The following CASD1 variants were observed in gnomAD, a reference collection of about 807,000 sequenced individuals.
CASD1 encodes the protein CAS1 domain sialic acid O acetyltransferase 1, also known as N-acetylneuraminate (7)9-O-acetyltransferase.
CASD1 carries 41 observed loss-of-function variants against 100.0 expected under a neutral mutation model. That is an observed-to-expected ratio of 0.41 (90% confidence interval 0.32 to 0.53). CASD1 has a LOEUF of 0.53. CASD1 is among the 20% of genes least tolerant of loss of function. CASD1 has a pLI of 0.25. For synonymous variants in CASD1, 321 were observed against 315.6 expected (o/e 1.02, Z -0.18); for missense variants, 774 against 948.7 (o/e 0.82, Z 2.42).
chr7:94,540,039 A>G (rs1795316471), intron 10 of CASD1, among the ~76,000 whole-genome samples: 1 of 152,114 alleles, frequency 6.6e-6, no homozygotes, highest in Non-Finnish European at 1.5e-5. Context: ...TGGGTGTCTT[A>G]AAAGACAGGA....
At position 94,554,564 on chromosome 7, in the gene CASD1, A is replaced by T; in HGVS notation, c.2116A>T (p.Ile706Phe). 15 of 1,605,348 alleles carry T rather than the reference A, an allele frequency of 9.3e-6. No individual in the cohort carries two copies. The highest frequency in any genetic ancestry group is 1.3e-5 in the Non-Finnish European group (15 of 1,172,796). ...YSSFFAWFGK[I>F]SLELFICQYH... is the part of the protein sequence containing the mutation. ...TTCATTTTTTGCTTGGTTTGGAAAA[A>T]TTTCATTAGAGGTTGGTACATTAAT... is the stretch of plus-strand genomic sequence containing the variant. Residue 706 changes from isoleucine to phenylalanine, a missense_variant, in exon 17 of 18, where the codon ATT becomes TTT. Ile to Phe is a conservative substitution (Grantham distance 21, BLOSUM62 0). Transcript: ENST00000297273.
chr7:94,538,110 A>G (rs1795207383), intron 9 of CASD1, among the ~76,000 whole-genome samples: 1 of 152,128 alleles, frequency 6.6e-6, no homozygotes, highest in Non-Finnish European at 1.5e-5. Context: ...AAATTGTTGA[A>G]AAGTTGGGAA....
the CASD1 span, chr7:94,627,082 C>T: frequency 6.6e-6 from 1 of 151,920 alleles, no homozygotes; most frequent in Admixed American, 6.6e-5. Context: ...AAGTACCTGT[C>T]TATCTTATAG....
chr7:94,561,497 CT>C (rs199566744), downstream of CASD1, among the ~76,000 whole-genome samples: 2,058 of 152,152 alleles, frequency 0.014, 43 homozygotes, highest in African/African-American at 0.047. Context: ...ACTGTTATGC[CT>C]TCCTTAAACA....
At chr7:94,612,530 T>C in the CASD1 span, among the ~76,000 whole-genome samples, 1 of 152,206 alleles carries the variant, frequency 6.6e-6, no homozygotes, top group African/African-American at 2.4e-5. Context: ...TAAGTACACA[T>C]GATTTATTCC....
the CASD1 span, among the ~76,000 whole-genome samples, chr7:94,567,398 A>G: frequency 1.3e-5 from 2 of 152,112 alleles, no homozygotes; most frequent in African/African-American, 4.8e-5. Flanking sequence ...GAATTCTAAT[A>G]TCTGAGTAGG....
At chr7:94,555,353 G>A (rs540686304) in intron 17 of CASD1, 139 bp from the exon 18 acceptor site, 11 of 772,958 alleles carry the variant, frequency 1.4e-5, no homozygotes, top group South Asian at 1.9e-5. Flanking sequence ...ACTTTTCAGG[G>A]CCAGTAGTGA....
chr7:94,578,557 C>G, the CASD1 span, among the ~76,000 whole-genome samples: 15 of 152,282 alleles, frequency 9.9e-5, no homozygotes, highest in Admixed American at 8.5e-4. Flanking sequence ...AAGAGCCCCC[C>G]ACCCATTTGC....
At chr7:94,563,476 A>G in the CASD1 span, among the ~76,000 whole-genome samples, 1 of 151,724 alleles carries the variant, frequency 6.6e-6, no homozygotes, top group African/African-American at 2.4e-5. Context: ...ATTTTTTTTT[A>G]TCCTTGTGCA....
rs1483895719 is a variant in CASD1 at position 94,554,520 on chromosome 7, A to G, written c.2072A>G (p.Tyr691Cys). The G allele has an allele frequency of 1.9e-6, 3 of 1,612,160 alleles. No individual in the cohort carries two copies. Among genetic ancestry groups the G allele is most frequent in the South Asian group, 2.2e-5 (2 of 90,932 alleles). The change falls in exon 17 of 18, where the codon TAT becomes TGT. Residue 691 changes from tyrosine to cysteine, a missense_variant. Physicochemically the swap from Tyr to Cys is radical, Grantham distance 194. Transcript: ENST00000297273. Reference sequence around the variant, plus strand: ...ATCCTAATAAGAAACATCCCTGGATATGCCCGTTCAGTTTACAGTTCATTT... The same window carrying G: ...ATCCTAATAAGAAACATCCCTGGATGTGCCCGTTCAGTTTACAGTTCATTT... Reference protein sequence around the residue: ...AFILIRNIPGYARSVYSSFFA... With the variant: ...AFILIRNIPGCARSVYSSFFA...
the CASD1 span, among the ~76,000 whole-genome samples, chr7:94,567,994 T>C: frequency 6.6e-6 from 1 of 152,094 alleles, no homozygotes; most frequent in African/African-American, 2.4e-5. Flanking sequence ...TATCAACAGG[T>C]TTTTTAAGAA....
chr7:94,548,497 C>T (rs1279495210), intron 13 of CASD1, among the ~76,000 whole-genome samples: 1 of 151,472 alleles, frequency 6.6e-6, no homozygotes, highest in Non-Finnish European at 1.5e-5. Context: ...CTTCAGATTG[C>T]CACTCTTAGT....
chr7:94,574,539 A>G, the CASD1 span, among the ~76,000 whole-genome samples: 6 of 151,646 alleles, frequency 4.0e-5, no homozygotes, highest in African/African-American at 1.2e-4. Flanking sequence ...GTAGTTTCTG[A>G]TGGTTAGTTT....
At chr7:94,569,487 C>G in the CASD1 span, among the ~76,000 whole-genome samples, 3 of 152,164 alleles carry the variant, frequency 2.0e-5, no homozygotes, top group Admixed American at 1.3e-4. Context: ...CAGGGTCTCA[C>G]TCTGTCACCC....
chr7:94,547,246 A>G, intron 13 of CASD1, 71 bp downstream of exon 13: 1 of 1,124,418 alleles, frequency 8.9e-7, no homozygotes, highest in Non-Finnish European at 1.3e-6. Flanking sequence ...AAAGCATGTG[A>G]GAAGAGTCAG....
the CASD1 span, among the ~76,000 whole-genome samples, chr7:94,577,483 C>G: frequency 2.0e-5 from 3 of 152,160 alleles, no homozygotes; most frequent in Non-Finnish European, 2.9e-5. Context: ...GCTTTAAAAA[C>G]TGAGACAGGC....
At chr7:94,562,283 G>A in the CASD1 span, among the ~76,000 whole-genome samples, 2 of 152,108 alleles carry the variant, frequency 1.3e-5, no homozygotes, top group African/African-American at 4.8e-5. Context: ...ATATACTTCA[G>A]ATGATGTTAT....
intron 13 of CASD1, among the ~76,000 whole-genome samples, chr7:94,547,955 T>C (rs1316668216): frequency 3.3e-5 from 5 of 151,838 alleles, no homozygotes; most frequent in Non-Finnish European, 5.9e-5. Context: ...TTTTTTTCTT[T>C]TTGTAGACTT....
chr7:94,519,706 T>C lies in CASD1; in HGVS notation c.351+1383T>C, dbSNP rs538965167. On this transcript the variant is annotated intron_variant, in intron 3 of 17. Transcript: ENST00000297273. The stretch of plus-strand genomic sequence containing the variant: ...TTTTTTAATAGAGACGAGGTCTCAC[T>C]ATTTCGCCCAAGCTGGTCTTAAACT... 4.6e-5 allele frequency among the ~76,000 whole-genome samples: 7 copies of C among 152,302 alleles called. No homozygotes were observed. In the East Asian group the frequency reaches 9.6e-4, roughly 21 times the overall value.
Sources: allele counts gnomAD v4.1 joint callset (sites outside exome capture counted in the v4.1 genomes callset), GRCh38; gene constraint gnomAD v4.1.1; transcripts MANE v1.5; gene names NCBI Gene and HGNC (gene_info 2026-07-23, HGNC 2026-07-21).